Variants in LTN1 observed in about 807,000 individuals in gnomAD.
The protein encoded by LTN1 is listerin E3 ubiquitin protein ligase 1, also known as E3 ubiquitin-protein ligase listerin.
LTN1 carries 88 observed loss-of-function variants against 201.2 expected under a neutral mutation model. The observed-to-expected ratio is 0.44, with a 90% confidence interval of 0.37 to 0.52. LTN1 has a LOEUF of 0.52. Ranked by LOEUF, LTN1 falls within the 20% of genes least tolerant of loss-of-function variation. LTN1 has a pLI of 0.00. For synonymous variants in LTN1, 645 were observed against 713.5 expected (o/e 0.90, Z 1.53); for missense variants, 1,752 against 2,038.7 (o/e 0.86, Z 2.71).
intron 27 of LTN1, among the ~76,000 whole-genome samples, chr21:28,933,261 G>A (rs986565892): frequency 6.6e-6 from 1 of 151,684 alleles, no homozygotes; most frequent in African/African-American, 2.4e-5. Context: ...TAAATCACTA[G>A]CACAAAATCT....
chr21:28,935,720 G>A (rs986907109), intron 26 of LTN1, among the ~76,000 whole-genome samples: 1 of 151,686 alleles, frequency 6.6e-6, no homozygotes, highest in African/African-American at 2.4e-5. Context: ...GGTGCCTGTA[G>A]TCCCAGCTAC....
At chr21:28,951,702 T>C (rs1046456948) in intron 18 of LTN1, among the ~76,000 whole-genome samples, 5 of 152,104 alleles carry the variant, frequency 3.3e-5, no homozygotes, top group African/African-American at 1.2e-4. Context: ...CCAGACATGG[T>C]GGCTCACACC....
chr21:28,966,015 G>A (rs929466439), intron 10 of LTN1, 109 bp from the exon 11 acceptor site: 19 of 697,980 alleles, frequency 2.7e-5, no homozygotes, highest in Non-Finnish European at 4.4e-5. Context: ...TCAAGCCAAT[G>A]TCTCACCTCA....
intron 21 of LTN1, among the ~76,000 whole-genome samples, chr21:28,944,944 A>T (rs1481642476): frequency 6.6e-6 from 1 of 152,158 alleles, no homozygotes; most frequent in Non-Finnish European, 1.5e-5. Context: ...AAAATCGGCC[A>T]GGCACAGTGG....
intron 19 of LTN1, 136 bp from the exon 20 acceptor site, chr21:28,946,423 T>C: frequency 1.8e-6 from 1 of 546,738 alleles, no homozygotes; most frequent in African/African-American, 2.0e-5. Context: ...GACTTTTATC[T>C]AAGAGTCAAC....
At chr21:28,936,388 T>C (rs910177472) in intron 26 of LTN1, 138 bp downstream of exon 26, 3 of 576,800 alleles carry the variant, frequency 5.2e-6, no homozygotes, top group African/African-American at 3.7e-5. Context: ...TAGAGAAATA[T>C]GGAAAATGGT....
intron 25 of LTN1, among the ~76,000 whole-genome samples, chr21:28,938,093 A>G (rs2084270053): frequency 1.3e-5 from 2 of 152,328 alleles, no homozygotes; most frequent in South Asian, 4.1e-4. Context: ...CTAAAGAAAT[A>G]TGACAAGCAA....
In LTN1 at chr21:28,959,552, T is replaced by C. The variant is rs774197503; in HGVS notation, c.2499A>G (p.Ser833=). ...ICDVAYNYFS[S]AKGCLLMPSS... ...ATGGCATTAGCAAGCATCCTTTCGC[T>C]GAGCTGAAATAGTTATAGGCCACAT... The change falls in exon 13 of 30, where the codon TCA becomes TCG. Residue 833 remains serine, a synonymous_variant. Coordinates refer to ENST00000361371, the MANE Select transcript of LTN1 (RefSeq NM_015565.3). 1.2e-6 allele frequency: 2 copies of C among 1,614,084 alleles called. No individual in the cohort carries two copies. The highest frequency in any genetic ancestry group is 1.3e-5 in the African/African-American group (1 of 75,056).
chr21:28,985,226 G>A (rs937077233), intron 3 of LTN1, among the ~76,000 whole-genome samples: 4 of 152,122 alleles, frequency 2.6e-5, no homozygotes, highest in Admixed American at 2.0e-4. Flanking sequence ...TTCGGTGGCC[G>A]AGGCAGGCGG....
At chr21:28,977,643 A>G (rs2146310450) in intron 6 of LTN1, among the ~76,000 whole-genome samples, 1 of 152,304 alleles carries the variant, frequency 6.6e-6, no homozygotes, top group African/African-American at 2.4e-5. Context: ...GAACAGCTTG[A>G]ACCTGGGAGG....
chr21:28,957,275 G>A lies in LTN1; in HGVS notation c.2892+57C>T. ...TCTTCCCCAAAATAAAAATATTCAA[G>A]CTTGCATGAAATCCAAACTTCAGAA... On this transcript the variant is annotated intron_variant, in intron 15 of 29. Coordinates refer to ENST00000361371, the MANE Select transcript of LTN1 (RefSeq NM_015565.3). 3.5e-6 allele frequency: 5 copies of A among 1,437,900 alleles called. No homozygotes were observed. In the South Asian group the frequency reaches 7.2e-5, roughly 21 times the overall value. The allele number at this position is 1,437,900 out of a possible 1,614,324, so 89.1% of individuals were successfully genotyped here. A position where few individuals can be genotyped will look rare whatever the true frequency, so the allele number is the denominator to read the frequency against.
chr21:28,966,247 C>G, intron 10 of LTN1, 123 bp downstream of exon 10: 1 of 815,212 alleles, frequency 1.2e-6, no homozygotes, highest in Non-Finnish European at 1.9e-6. Flanking sequence ...AAATCATGAT[C>G]AAGAATATAT....
intron 18 of LTN1, among the ~76,000 whole-genome samples, 169 bp from the exon 19 acceptor site, chr21:28,947,775 GT>G (rs202076727): frequency 1.3e-5 from 2 of 151,034 alleles, no homozygotes; most frequent in African/African-American, 4.9e-5. Flanking sequence ...GATGAAATTG[GT>G]TTTTTTTGCT....
rs1172777756 is a variant in LTN1 at position 28,986,885 on chromosome 21, G to C, written c.92C>G (p.Thr31Arg). 1 of 1,614,148 alleles carries C rather than the reference G, an allele frequency of 6.2e-7. No homozygotes were observed. The highest frequency in any genetic ancestry group is 8.5e-7 in the Non-Finnish European group (1 of 1,179,992). The change falls in exon 2 of 30, where the codon ACA becomes AGA. Residue 31 changes from threonine (T) to arginine (R), a missense_variant. Coordinates refer to ENST00000361371, the MANE Select transcript of LTN1 (RefSeq NM_015565.3). This position sits in a 1 kb window ranked among gnomAD's most constrained non-coding sequence, Gnocchi z 4.1. ...TCCAAAACCAATAAATCCAGGCACTGTTCCCTGTTCTTTGGCAAGGAGTTC... is the reference window on the plus strand; with the variant it reads ...TCCAAAACCAATAAATCCAGGCACTCTTCCCTGTTCTTTGGCAAGGAGTTC... The part of the protein sequence containing the change: ...AAELLAKEQG[T>R]VPGFIGFGTS...
chr21:28,948,211 TAG>T (rs1201168743), intron 18 of LTN1, among the ~76,000 whole-genome samples: 4 of 142,228 alleles, frequency 2.8e-5, no homozygotes, highest in South Asian at 2.2e-4. Flanking sequence ...AAAAAAAAAA[TAG>T]AGTCAATTGA....
intron 6 of LTN1, among the ~76,000 whole-genome samples, chr21:28,977,013 C>A (rs187204927): frequency 8.5e-5 from 13 of 152,294 alleles, no homozygotes; most frequent in Non-Finnish European, 1.3e-4. Flanking sequence ...CCTTGGCCTC[C>A]CAAAGGTCTG....
intron 12 of LTN1, 143 bp from the exon 13 acceptor site, chr21:28,959,840 T>C: frequency 1.5e-6 from 1 of 686,792 alleles, no homozygotes; most frequent in Non-Finnish European, 2.3e-6. Flanking sequence ...AATCAACACA[T>C]TCTCTCACAC....
Position 28,966,674 on chromosome 21 carries a change from T to C in LTN1, c.1817A>G (p.Asn606Ser), listed in dbSNP as rs761669538. 5.0e-6 allele frequency: 8 copies of C among 1,614,034 alleles called. No individual in the cohort carries two copies. The highest frequency in any genetic ancestry group is 5.9e-6 in the Non-Finnish European group (7 of 1,179,986). ...TAGATGTTGCTCTGACTTTCGTTCA[T>C]TGACATAATTAATACTTATATCTGC... ...KLADISINYV[N>S]ERKSEQHLRF... The change falls in exon 10 of 30, where the codon AAT (asparagine) becomes AGT (serine). Residue 606 changes from asparagine (N) to serine (S), a missense_variant. Coordinates refer to ENST00000361371, the MANE Select transcript of LTN1 (RefSeq NM_015565.3).
chr21:28,948,989 C>T (rs1247562375), intron 18 of LTN1, among the ~76,000 whole-genome samples: 2 of 152,236 alleles, frequency 1.3e-5, no homozygotes, highest in Non-Finnish European at 2.9e-5. Flanking sequence ...TCAACTTATA[C>T]TTTCACCAAA....
Sources: gnomAD v4.1 joint callset for allele counts (sites outside exome capture counted in the v4.1 genomes callset) on GRCh38, gnomAD v4.1.1 for gene constraint, Gnocchi (gnomAD v3.1) non-coding constraint, MANE v1.5 for transcripts, NCBI Gene and HGNC (gene_info 2026-07-23, HGNC 2026-07-21) for gene names.